NR3C1: variants seen among roughly 807,000 people sequenced by gnomAD.
NR3C1 encodes the protein glucocorticoid receptor.
A neutral mutation model predicts 74.0 loss-of-function variants in NR3C1; 14 were observed. That is an observed-to-expected ratio of 0.19 (90% confidence interval 0.12 to 0.30). The LOEUF (loss-of-function observed/expected upper bound fraction) is 0.30. NR3C1 is among the 10% of genes least tolerant of loss of function. NR3C1 has a pLI of 1.00. For synonymous variants in NR3C1, 308 were observed against 332.5 expected, an observed-to-expected ratio of 0.93 and a Z score of 0.80; for missense variants, 695 against 909.8, an observed-to-expected ratio of 0.76 and a Z score of 3.04.
chr5:143,433,046 C>T (rs990160935), intron 1 of NR3C1, among the ~76,000 whole-genome samples: 1 of 152,106 alleles, frequency 6.6e-6, no homozygotes, highest in South Asian at 2.1e-4. Flanking sequence ...TGTTTGGAGT[C>T]CACAATGCCT....
intron 4 of NR3C1, among the ~76,000 whole-genome samples, chr5:143,304,571 A>G (rs1228594190): frequency 1.3e-5 from 2 of 152,174 alleles, no homozygotes; most frequent in South Asian, 2.1e-4. Flanking sequence ...TAAAATTCCT[A>G]TGGAACCAAA....
At chr5:143,320,009 C>T (rs1372682762) in intron 2 of NR3C1, among the ~76,000 whole-genome samples, 3 of 152,136 alleles carry the variant, frequency 2.0e-5, no homozygotes, top group South Asian at 2.1e-4. Context: ...TTCCCTCTAG[C>T]GCTAGCACTA....
intron 2 of NR3C1, among the ~76,000 whole-genome samples, chr5:143,354,836 T>C (rs1228489256): frequency 6.0e-5 from 9 of 150,604 alleles, no homozygotes; most frequent in Non-Finnish European, 3.0e-5. Flanking sequence ...GGCAGGAGGA[T>C]TGCTTGAACC....
At chr5:143,319,023 A>G (rs759283995) in intron 2 of NR3C1, among the ~76,000 whole-genome samples, 6 of 152,166 alleles carry the variant, frequency 3.9e-5, no homozygotes, top group Non-Finnish European at 5.9e-5. Context: ...AATGGCAAAT[A>G]AAGTACGTGT....
chr5:143,358,492 T>C (rs1236070183), intron 2 of NR3C1, among the ~76,000 whole-genome samples: 1 of 152,238 alleles, frequency 6.6e-6, no homozygotes, highest in Non-Finnish European at 1.5e-5. Flanking sequence ...TGTGTAAATA[T>C]TAGCAAAGAA....
chr5:143,408,212 A>T (rs914680007), upstream of NR3C1, among the ~76,000 whole-genome samples: 4 of 152,332 alleles, frequency 2.6e-5, no homozygotes, highest in South Asian at 2.1e-4. Flanking sequence ...AAGCCAGACT[A>T]TAAAGGCCAA....
At chr5:143,336,990 CATACAT>C (rs1213666777) in intron 2 of NR3C1, among the ~76,000 whole-genome samples, 1 of 151,946 alleles carries the variant, frequency 6.6e-6, no homozygotes, top group Admixed American at 6.6e-5. Context: ...AAAATACATA[CATACAT>C]ATACATATAT....
chr5:143,403,903 CG>C (rs906456817), upstream of NR3C1: 5 of 982,466 alleles, frequency 5.1e-6, no homozygotes, highest in Admixed American at 3.1e-4. Flanking sequence ...CTGGCGTGGC[CG>C]CCCCGCCCGG....
chr5:143,404,436 C>G (rs1840929607), upstream of NR3C1: 2 of 985,296 alleles, frequency 2.0e-6, no homozygotes, highest in African/African-American at 1.7e-5. Context: ...TCTGGGCGGC[C>G]GGGTCTTCAG....
At chr5:143,425,866 A>T (rs751093653) in intron 1 of NR3C1, among the ~76,000 whole-genome samples, 2 of 152,122 alleles carry the variant, frequency 1.3e-5, no homozygotes, top group Non-Finnish European at 2.9e-5. Flanking sequence ...CAGCAATTCA[A>T]CTCCTAGGAA....
At chr5:143,282,298 G>T (rs1408025128) in intron 8 of NR3C1, among the ~76,000 whole-genome samples, 1 of 152,008 alleles carries the variant, frequency 6.6e-6, no homozygotes, top group East Asian at 1.9e-4. Flanking sequence ...TAATTTAATG[G>T]ATTAATCATA....
At chr5:143,341,212 A>T (rs1828157884) in intron 2 of NR3C1, among the ~76,000 whole-genome samples, 1 of 152,234 alleles carries the variant, frequency 6.6e-6, no homozygotes. Context: ...ATGGAATGTT[A>T]AAGGAAAACA....
intron 6 of NR3C1, among the ~76,000 whole-genome samples, chr5:143,297,450 TA>T (rs1002415587): frequency 3.3e-5 from 5 of 152,222 alleles, no homozygotes; most frequent in African/African-American, 1.2e-4. Context: ...TGGTATTTTT[TA>T]AACAGCATGG....
intron 2 of NR3C1, among the ~76,000 whole-genome samples, chr5:143,348,432 T>A (rs1829677676): frequency 6.6e-6 from 1 of 152,204 alleles, no homozygotes; most frequent in Admixed American, 6.5e-5. Context: ...TGCTTTCCTA[T>A]CGATTCGTGG....
chr5:143,352,856 G>T (rs1830468485), intron 2 of NR3C1, among the ~76,000 whole-genome samples: 1 of 152,152 alleles, frequency 6.6e-6, no homozygotes, highest in African/African-American at 2.4e-5. Flanking sequence ...GGTTGCTGAA[G>T]GTGGGGTGGC....
chr5:143,423,283 T>C (rs1751332415), intron 1 of NR3C1, among the ~76,000 whole-genome samples: 1 of 152,082 alleles, frequency 6.6e-6, no homozygotes, highest in East Asian at 1.9e-4. Flanking sequence ...AACAACTCAA[T>C]AGGAAAAAAT....
At chr5:143,359,437 C>T (rs1831821078) in intron 2 of NR3C1, among the ~76,000 whole-genome samples, 1 of 152,164 alleles carries the variant, frequency 6.6e-6, no homozygotes, top group Non-Finnish European at 1.5e-5. Context: ...TTGGACTCTT[C>T]CTCAACCATC....
At position 143,281,833 on chromosome 5, in the gene NR3C1, T is replaced by C. The variant is rs1813159469; in HGVS notation, c.*56A>G. ...CTCTACAGGACAAACTGATAGTTTATACAATAAAAGCTATTAATTCGACTT... is the reference window on the plus strand; with the variant it reads ...CTCTACAGGACAAACTGATAGTTTACACAATAAAAGCTATTAATTCGACTT... On this transcript the variant is annotated 3_prime_UTR_variant, in exon 9 of 9. Transcript: ENST00000394464. The C allele has an allele frequency of 6.6e-7, 1 of 1,521,666 alleles. No individual in the cohort carries two copies. The highest frequency in any genetic ancestry group is 9.1e-7 in the Non-Finnish European group (1 of 1,098,462). 94.3% of individuals were successfully genotyped at this position (1,521,666 alleles called of 1,614,324 possible). A position where few individuals can be genotyped will look rare whatever the true frequency, so the allele number is the denominator to read the frequency against.
intron 1 of NR3C1, among the ~76,000 whole-genome samples, chr5:143,427,371 G>A (rs1051639471): frequency 1.3e-5 from 2 of 151,958 alleles, no homozygotes; most frequent in Non-Finnish European, 2.9e-5. Flanking sequence ...GGTGGGCTGG[G>A]GGAATTACCC....
Sources: gnomAD v4.1 joint callset for allele counts (sites outside exome capture counted in the v4.1 genomes callset) on GRCh38, gnomAD v4.1.1 for gene constraint, MANE v1.5 for transcripts, NCBI Gene and HGNC (gene_info 2026-07-23, HGNC 2026-07-21) for gene names.